Variants in UBE2V1 observed in about 807,000 individuals in gnomAD.
UBE2V1 encodes the protein ubiquitin conjugating enzyme E2 V1.
Under a neutral mutation model 19.6 loss-of-function variants are expected in UBE2V1, and 15 were observed. That is an observed-to-expected ratio of 0.77 (90% CI 0.51 to 1.18). The LOEUF is 1.18. Ranked by LOEUF, UBE2V1 falls within the 50% of genes most tolerant of loss-of-function variation. The pLI is 0.00. For synonymous variants in UBE2V1, 60 were observed against 60.7 expected (o/e 0.99, Z 0.05); for missense variants, 125 against 184.8 (o/e 0.68, Z 1.88).
intron 2 of UBE2V1, among the ~76,000 whole-genome samples, chr20:50,089,419 G>A (rs1431238879): frequency 6.6e-6 from 1 of 152,184 alleles, no homozygotes; most frequent in Non-Finnish European, 1.5e-5. Flanking sequence ...CTGTTACCAG[G>A]GTGGTACAGA....
At chr20:50,113,173 CCTTA>C, upstream of UBE2V1, 1 of 1,265,786 alleles carries the variant, frequency 7.9e-7, no homozygotes, top group Non-Finnish European at 1.0e-6. Flanking sequence ...TTCACCCCCC[CCTTA>C]CCCGTCCCCC....
chr20:50,112,597 T>G (rs2080831003), intron 1 of UBE2V1, among the ~76,000 whole-genome samples: 1 of 152,150 alleles, frequency 6.6e-6, no homozygotes, highest in Admixed American at 6.5e-5. Flanking sequence ...CCTCAACCGA[T>G]AGGGGATCCT....
intron 2 of UBE2V1, among the ~76,000 whole-genome samples, chr20:50,089,744 G>GTA (rs960764198): frequency 6.6e-6 from 1 of 152,192 alleles, no homozygotes; most frequent in East Asian, 1.9e-4. Context: ...CTAGGCAATA[G>GTA]TAAGTTTTCA....
chr20:50,084,889 G>GTTT (rs764921569), intron 2 of UBE2V1: 3 of 79,146 alleles, frequency 3.8e-5, no homozygotes, highest in South Asian at 4.9e-4. Flanking sequence ...GGGAAAAGCA[G>GTTT]TCTTTTTTTT....
chr20:50,106,238 A>C (rs1291941575), intron 1 of UBE2V1, among the ~76,000 whole-genome samples: 1 of 152,244 alleles, frequency 6.6e-6, no homozygotes, highest in Non-Finnish European at 1.5e-5. Context: ...TGTCAGTATC[A>C]AAAGTCAGCC....
intron 1 of UBE2V1, among the ~76,000 whole-genome samples, chr20:50,107,377 A>G (rs1199945611): frequency 1.3e-5 from 2 of 152,220 alleles, no homozygotes; most frequent in East Asian, 3.8e-4. Flanking sequence ...GCAAGCTGTC[A>G]TTCTTTACAG....
chr20:50,083,698 A>G (rs2078747694), intron 3 of UBE2V1: 1 of 154,156 alleles, frequency 6.5e-6, no homozygotes, highest in Non-Finnish European at 1.4e-5. Context: ...TTGCCCAGTT[A>G]TGACAACTGA....
intron 2 of UBE2V1, among the ~76,000 whole-genome samples, chr20:50,084,966 G>A (rs1298239481): frequency 2.1e-5 from 3 of 141,364 alleles, no homozygotes; most frequent in Non-Finnish European, 3.0e-5. Context: ...GTGCGATCTC[G>A]GCTCACCGCA....
chr20:50,111,403 G>C (rs2080744192), intron 1 of UBE2V1: 1 of 1,000,152 alleles, frequency 1.0e-6, no homozygotes, highest in African/African-American at 1.7e-5. Context: ...CTTATTGCTG[G>C]CTACCACCAG....
In UBE2V1 at chr20:50,095,462, T is replaced by C. The variant is rs767485066; in HGVS notation, c.171+1210A>G. On this transcript the variant is annotated intron_variant, in intron 2 of 3. Coordinates refer to ENST00000371674, the MANE Select transcript of UBE2V1 (RefSeq NM_001032288.3). Reference sequence around the variant, plus strand: ...ATATATTTTTAAAACTCCACAAAACTATAGGGTCACAAAATGACTTAAGAA... The same window carrying C: ...ATATATTTTTAAAACTCCACAAAACCATAGGGTCACAAAATGACTTAAGAA... 4.6e-5 allele frequency: 7 copies of C among 152,326 alleles called. No individual in the cohort carries two copies. In the East Asian group the frequency reaches 9.6e-4, roughly 21 times the overall value. 9.4% of individuals were successfully genotyped at this position (152,326 alleles called of 1,614,324 possible).
intron 3 of UBE2V1, among the ~76,000 whole-genome samples, chr20:50,083,366 T>C (rs548250794): frequency 1.3e-5 from 2 of 152,328 alleles, no homozygotes; most frequent in East Asian, 3.9e-4. Flanking sequence ...ACCTCTCAGG[T>C]TAAGGCAGCA....
At chr20:50,084,797 C>G (rs2146955938) in intron 2 of UBE2V1, 1 of 299,576 alleles carries the variant, frequency 3.3e-6, no homozygotes, top group African/African-American at 2.2e-5. Flanking sequence ...CTGGGGTGTT[C>G]CATCCCTCCC....
At chr20:50,097,327 T>C (rs1211926198) in intron 1 of UBE2V1, among the ~76,000 whole-genome samples, 1 of 152,246 alleles carries the variant, frequency 6.6e-6, no homozygotes, top group Non-Finnish European at 1.5e-5. Flanking sequence ...GCACCAAGGA[T>C]AAAATATTCT....
At chr20:50,109,839 AC>A (rs1244827409) in intron 1 of UBE2V1, among the ~76,000 whole-genome samples, 1 of 151,790 alleles carries the variant, frequency 6.6e-6, no homozygotes, top group East Asian at 1.9e-4. Context: ...TTGGCTGAGC[AC>A]AATATGAAGC....
chr20:50,094,868 T>C (rs2079532393), intron 2 of UBE2V1: 1 of 152,196 alleles, frequency 6.6e-6, no homozygotes, highest in Admixed American at 6.5e-5. Context: ...GGGTGAATTC[T>C]ATCCCAATAA....
chr20:50,082,999 G>C, intron 3 of UBE2V1, 85 bp from the exon 4 acceptor site: 1 of 1,557,744 alleles, frequency 6.4e-7, no homozygotes, highest in South Asian at 1.2e-5. Flanking sequence ...GGTGCAAACT[G>C]GAGTAAGATG....
chr20:50,108,568 C>T (rs1201395962), intron 1 of UBE2V1, among the ~76,000 whole-genome samples: 2 of 152,166 alleles, frequency 1.3e-5, no homozygotes, highest in African/African-American at 4.8e-5. Context: ...TGGCCTGTTT[C>T]CTCACCTTCA....
intron 1 of UBE2V1, among the ~76,000 whole-genome samples, chr20:50,097,072 C>T (rs1381866886): frequency 6.6e-6 from 1 of 152,170 alleles, no homozygotes; most frequent in African/African-American, 2.4e-5. Context: ...GAAAGATACC[C>T]CACCCCTACC....
chr20:50,105,966 A>C (rs2080331438), intron 1 of UBE2V1, among the ~76,000 whole-genome samples: 1 of 148,914 alleles, frequency 6.7e-6, no homozygotes, highest in Admixed American at 6.6e-5. Flanking sequence ...AAAAACAAAC[A>C]AACAAAAGGA....
Sources: gnomAD v4.1 joint callset for allele counts (sites outside exome capture counted in the v4.1 genomes callset) on GRCh38, gnomAD v4.1.1 for gene constraint, MANE v1.5 for transcripts, NCBI Gene and HGNC (gene_info 2026-07-23, HGNC 2026-07-21) for gene names.